SORCS3: variants seen among roughly 807,000 people sequenced by gnomAD.
The protein encoded by SORCS3 is VPS10 domain-containing receptor SorCS3.
A neutral mutation model predicts 146.3 loss-of-function variants in SORCS3; 57 were observed. That is an observed-to-expected ratio of 0.39 (90% confidence interval 0.31 to 0.49). SORCS3 has a LOEUF of 0.49. SORCS3 is among the 20% of genes least tolerant of loss of function. The pLI is 0.92. For missense variants in SORCS3, 1,341 were observed against 1,575.5 expected (o/e 0.85, Z 2.52); for synonymous variants, 653 against 618.5 (o/e 1.06, Z -0.83).
chr10:104,978,201 A>C (rs2054912504), intron 4 of SORCS3, among the ~76,000 whole-genome samples: 1 of 152,192 alleles, frequency 6.6e-6, no homozygotes, highest in African/African-American at 2.4e-5. Context: ...GGGCTTAAGT[A>C]CATGTTATCA....
chr10:105,024,504 A>G (rs957467805), intron 4 of SORCS3, among the ~76,000 whole-genome samples: 1 of 152,200 alleles, frequency 6.6e-6, no homozygotes, highest in East Asian at 1.9e-4. Context: ...GGGAACCCAC[A>G]GCCCTGAAAT....
chr10:104,868,898 C>A (rs2018487904), intron 2 of SORCS3, among the ~76,000 whole-genome samples: 1 of 152,152 alleles, frequency 6.6e-6, no homozygotes, highest in South Asian at 2.1e-4. Context: ...TTAGGTGTAT[C>A]CAATGCAAAT....
At chr10:104,687,686 G>T (rs945951756) in intron 1 of SORCS3, among the ~76,000 whole-genome samples, 4 of 152,078 alleles carry the variant, frequency 2.6e-5, no homozygotes, top group Non-Finnish European at 4.4e-5. Flanking sequence ...AACTCTGTTG[G>T]ACTGGTATGT....
intron 1 of SORCS3, among the ~76,000 whole-genome samples, chr10:104,671,324 C>CTTTT (rs1564655720): frequency 2.3e-4 from 4 of 17,524 alleles, no homozygotes; most frequent in Non-Finnish European, 5.7e-4. Context: ...TCATTCTTTT[C>CTTTT]CTTTTTTTTT....
intron 1 of SORCS3, among the ~76,000 whole-genome samples, chr10:104,644,632 C>T (rs530856287): frequency 1.4e-3 from 212 of 152,254 alleles, no homozygotes; most frequent in Non-Finnish European, 2.1e-3. Flanking sequence ...GGGAGATGTC[C>T]GTAAAACAGA....
chr10:104,998,823 TGA>T (rs1317336350), intron 4 of SORCS3, among the ~76,000 whole-genome samples: 1 of 152,152 alleles, frequency 6.6e-6, no homozygotes, highest in African/African-American at 2.4e-5. Context: ...TGGACATCTG[TGA>T]CTGGCTTATC....
At chr10:104,750,409 T>C (rs532650296) in intron 1 of SORCS3, among the ~76,000 whole-genome samples, 7 of 152,326 alleles carry the variant, frequency 4.6e-5, no homozygotes, top group East Asian at 1.9e-4. Context: ...GGGTTAATAA[T>C]TGGCCAAATG....
intron 1 of SORCS3, among the ~76,000 whole-genome samples, chr10:104,836,964 C>T (rs1012316586): frequency 2.0e-5 from 3 of 152,212 alleles, no homozygotes; most frequent in Admixed American, 6.5e-5. Flanking sequence ...AGACCCAGCT[C>T]ATATAACCCC....
At chr10:105,011,871 G>A (rs553774943) in intron 4 of SORCS3, among the ~76,000 whole-genome samples, 81 of 152,154 alleles carry the variant, frequency 5.3e-4, no homozygotes, top group African/African-American at 1.9e-3. Flanking sequence ...AGCTTCTTAC[G>A]TCTGTAATAT....
intron 5 of SORCS3, among the ~76,000 whole-genome samples, chr10:105,043,904 T>G (rs1048525920): frequency 1.3e-5 from 2 of 152,194 alleles, no homozygotes; most frequent in African/African-American, 2.4e-5. Flanking sequence ...TATTTTTATC[T>G]TGGTTGTAAC....
At chr10:105,061,169 G>T (rs1046346367) in intron 5 of SORCS3, among the ~76,000 whole-genome samples, 1 of 152,078 alleles carries the variant, frequency 6.6e-6, no homozygotes, top group Non-Finnish European at 1.5e-5. Flanking sequence ...TTGTTGGAAA[G>T]CTGTGCTCTG....
At chr10:104,785,117 A>G (rs1304815217) in intron 1 of SORCS3, among the ~76,000 whole-genome samples, 4 of 152,088 alleles carry the variant, frequency 2.6e-5, no homozygotes, top group Non-Finnish European at 4.4e-5. Context: ...GGCGGCTGCA[A>G]TGGCGGCTTT....
rs779624504 is a variant in SORCS3, at chr10:105,199,986, C to G, written c.2010-13C>G. The G allele has an allele frequency of 2.5e-6, 4 of 1,605,718 alleles. No homozygotes were observed. Among genetic ancestry groups the G allele is most frequent in the Non-Finnish European group, 3.4e-6 (4 of 1,172,954 alleles). On this transcript the variant is annotated splice_polypyrimidine_tract_variant and intron_variant, in intron 14 of 26. Transcript: ENST00000369701. Reference sequence around the variant, plus strand: ...CTCCCCTTGTGTCTCCCACTCCTCCCCTAAACACTTAGAGTTTTTGGCCAC... The same window carrying G: ...CTCCCCTTGTGTCTCCCACTCCTCCGCTAAACACTTAGAGTTTTTGGCCAC...
chr10:104,680,179 G>A (rs1248658193), intron 1 of SORCS3, among the ~76,000 whole-genome samples: 2 of 152,172 alleles, frequency 1.3e-5, no homozygotes, highest in Non-Finnish European at 2.9e-5. Flanking sequence ...GATACAAATA[G>A]ACTAGAACAG....
At chr10:105,236,931 A>T (rs74385722) in intron 20 of SORCS3, among the ~76,000 whole-genome samples, 3,236 of 152,146 alleles carry the variant, frequency 0.021, 54 homozygotes, top group Middle Eastern at 0.061. Flanking sequence ...TCAAGCAATC[A>T]ATCTATCTAT....
intron 4 of SORCS3, among the ~76,000 whole-genome samples, chr10:104,995,907 A>G (rs1363993478): frequency 6.6e-6 from 1 of 152,232 alleles, no homozygotes; most frequent in Non-Finnish European, 1.5e-5. Flanking sequence ...TAGGCCAATA[A>G]TCAACTTTGA....
At chr10:105,089,328 C>T (rs572668894) in intron 5 of SORCS3, among the ~76,000 whole-genome samples, 12 of 152,228 alleles carry the variant, frequency 7.9e-5, no homozygotes, top group Admixed American at 2.6e-4. Flanking sequence ...GAGGCAATAC[C>T]GTGTTCCCCA....
At chr10:104,716,459 G>A (rs1362020223) in intron 1 of SORCS3, among the ~76,000 whole-genome samples, 1 of 152,010 alleles carries the variant, frequency 6.6e-6, no homozygotes, top group Non-Finnish European at 1.5e-5. Flanking sequence ...GGAGAGCTGA[G>A]TTTCAAATTC....
At chr10:105,069,989 T>C (rs1412351776) in intron 5 of SORCS3, among the ~76,000 whole-genome samples, 1 of 152,198 alleles carries the variant, frequency 6.6e-6, no homozygotes, top group Non-Finnish European at 1.5e-5. Context: ...GGCTGAAGTT[T>C]TGAGGCTTGG....
Sources: gnomAD v4.1 joint callset for allele counts (sites outside exome capture counted in the v4.1 genomes callset) on GRCh38, gnomAD v4.1.1 for gene constraint, MANE v1.5 for transcripts, NCBI Gene and HGNC (gene_info 2026-07-23, HGNC 2026-07-21) for gene names.